DIAPH2: variants seen among roughly 807,000 people sequenced by gnomAD.
DIAPH2 encodes the protein diaphanous related formin 2.
In DIAPH2, 35 loss-of-function variants were observed where a neutral mutation model predicts 92.7. That is an observed-to-expected ratio of 0.38 (90% CI 0.29 to 0.50). The LOEUF (loss-of-function observed/expected upper bound fraction) is 0.50. Ranked by LOEUF, DIAPH2 falls within the 20% of genes least tolerant of loss-of-function variation. DIAPH2 has a pLI of 0.94. For synonymous variants in DIAPH2, 301 were observed against 280.4 expected (o/e 1.07, Z -0.73); for missense variants, 701 against 819.5 (o/e 0.86, Z 1.77).
intron 17 of DIAPH2, among the ~76,000 whole-genome samples, chrX:96,992,013 C>T (rs931155039): frequency 7.2e-5 from 8 of 110,632 alleles, no homozygotes; most frequent in African/African-American, 2.6e-4. Context: ...CCTTCACTGT[C>T]TCTTTCCCCT....
At chrX:97,313,516 TCTCA>T (rs2068814692) in intron 23 of DIAPH2, among the ~76,000 whole-genome samples, 1 of 112,333 alleles carries the variant, frequency 8.9e-6, no homozygotes, top group Non-Finnish European at 1.9e-5. Flanking sequence ...CATGACTTCC[TCTCA>T]CTCTAAATCA....
chrX:96,719,714 A>G (rs1039812734), intron 1 of DIAPH2, among the ~76,000 whole-genome samples: 2 of 111,547 alleles, frequency 1.8e-5, no homozygotes, highest in African/African-American at 6.5e-5. Flanking sequence ...GAAGTCAGGT[A>G]ATCTGATGCT....
At chrX:97,238,911 A>C (rs2147536775) in intron 22 of DIAPH2, among the ~76,000 whole-genome samples, 1 of 111,728 alleles carries the variant, frequency 9.0e-6, no homozygotes, top group South Asian at 3.7e-4. Flanking sequence ...TCAACTAAAT[A>C]TATTCAGTTA....
In DIAPH2 at chrX:97,048,969, C is replaced by T. The variant is rs1001413302; in HGVS notation, c.2051-23972C>T. Among the ~76,000 whole-genome samples the T allele has an allele frequency of 2.8e-5, 3 of 108,984 alleles. No homozygotes were observed. The East Asian group carries it at 8.6e-4, about 31-fold the overall frequency. 94.6% of individuals were successfully genotyped at this position (108,984 alleles called of 115,157 possible). Reference sequence around the variant, plus strand: ...ATTTTAGTTTCATCTTGTAGCTACTCTCGCACAATCTTCTTTTTTAGTGGG... The same window carrying T: ...ATTTTAGTTTCATCTTGTAGCTACTTTCGCACAATCTTCTTTTTTAGTGGG... On this transcript the variant is annotated intron_variant, in intron 17 of 26. Coordinates refer to ENST00000324765, the MANE Select transcript of DIAPH2 (RefSeq NM_006729.5).
chrX:97,570,097 TA>T lies in DIAPH2; in HGVS notation c.3242-29155del, dbSNP rs1569426124. 1.6e-3 allele frequency among the ~76,000 whole-genome samples: 49 copies of T among 30,570 alleles called. 1 individual carries two copies. Among genetic ancestry groups the T allele is most frequent in the Middle Eastern group, 0.039 (2 of 51 alleles). 26.5% of individuals were successfully genotyped at this position (30,570 alleles called of 115,157 possible). ...TCTAATATATATATATATATATATATATATATATATATATATATATATATAT... is the reference window on the plus strand; with the variant it reads ...TCTAATATATATATATATATATATATTATATATATATATATATATATATAT... On this transcript the variant is annotated intron_variant, in intron 26 of 26. Transcript: ENST00000324765.
chrX:96,767,475 T>C (rs1351977434), intron 4 of DIAPH2, among the ~76,000 whole-genome samples: 1 of 111,844 alleles, frequency 8.9e-6, no homozygotes, highest in African/African-American at 3.2e-5. Context: ...ATTTTTGAAG[T>C]ATATTGTTTA....
chrX:97,157,534 A>G (rs1569315619), intron 22 of DIAPH2, among the ~76,000 whole-genome samples: 1 of 110,413 alleles, frequency 9.1e-6, no homozygotes, highest in African/African-American at 3.3e-5. Context: ...ACATCTCCCC[A>G]TATATATAAG....
At chrX:97,440,018 T>C (rs2070237068) in intron 26 of DIAPH2, among the ~76,000 whole-genome samples, 1 of 111,010 alleles carries the variant, frequency 9.0e-6, no homozygotes. Context: ...GTGGGTCAGA[T>C]AATCTCTGGA....
intron 4 of DIAPH2, among the ~76,000 whole-genome samples, chrX:96,836,901 G>T (rs1602552159): frequency 1.0e-5 from 1 of 99,252 alleles, no homozygotes; most frequent in East Asian, 3.1e-4. Flanking sequence ...CTAATTTTTT[G>T]TATTTTTAGT....
At chrX:97,014,082 T>G in intron 17 of DIAPH2, among the ~76,000 whole-genome samples, 1 of 111,888 alleles carries the variant, frequency 8.9e-6, no homozygotes, top group Non-Finnish European at 1.9e-5. Flanking sequence ...GATGTATAAG[T>G]AGTGATGAGT....
intron 22 of DIAPH2, among the ~76,000 whole-genome samples, chrX:97,226,956 G>C (rs1470434471): frequency 9.0e-6 from 1 of 111,287 alleles, no homozygotes; most frequent in East Asian, 2.8e-4. Context: ...ACTGAATGGA[G>C]TATTCTGAGC....
intron 4 of DIAPH2, among the ~76,000 whole-genome samples, chrX:96,782,488 G>A (rs1447463196): frequency 1.8e-5 from 2 of 111,808 alleles, no homozygotes; most frequent in South Asian, 3.7e-4. Context: ...TAGTAGAGAC[G>A]GGGTTTCACC....
At chrX:97,452,697 G>C (rs2070369314) in intron 26 of DIAPH2, among the ~76,000 whole-genome samples, 1 of 111,976 alleles carries the variant, frequency 8.9e-6, no homozygotes, top group African/African-American at 3.2e-5. Context: ...ATTTTGTTTA[G>C]TTCCATTTTC....
intron 5 of DIAPH2, among the ~76,000 whole-genome samples, chrX:96,894,424 T>C (rs1369356338): frequency 8.9e-6 from 1 of 111,846 alleles, no homozygotes; most frequent in African/African-American, 3.2e-5. Flanking sequence ...GTTATAAATT[T>C]CCATATGTGA....
At chrX:96,830,337 C>T (rs962484039) in intron 4 of DIAPH2, among the ~76,000 whole-genome samples, 55 of 109,558 alleles carry the variant, frequency 5.0e-4, no homozygotes, top group African/African-American at 1.7e-3. Flanking sequence ...TTTGGGAGGC[C>T]GAGGCGGGTG....
intron 19 of DIAPH2, among the ~76,000 whole-genome samples, chrX:97,091,559 T>C (rs1299294246): frequency 8.9e-6 from 1 of 111,992 alleles, no homozygotes; most frequent in Non-Finnish European, 1.9e-5. Flanking sequence ...GAAACAAGTC[T>C]TTTTGAAAGA....
At chrX:97,520,829 C>T (rs764965303) in intron 26 of DIAPH2, among the ~76,000 whole-genome samples, 2 of 112,161 alleles carry the variant, frequency 1.8e-5, no homozygotes, top group African/African-American at 6.5e-5. Flanking sequence ...AAATGGAAGA[C>T]GAAGTACAAC....
intron 23 of DIAPH2, among the ~76,000 whole-genome samples, chrX:97,260,217 G>A (rs2068277735): frequency 8.9e-6 from 1 of 112,645 alleles, no homozygotes; most frequent in Admixed American, 9.4e-5. Flanking sequence ...TGTGTGCCAG[G>A]CACTGTGTCA....
chrX:97,219,571 A>G (rs1320700736), intron 22 of DIAPH2, among the ~76,000 whole-genome samples: 1 of 112,169 alleles, frequency 8.9e-6, no homozygotes, highest in African/African-American at 3.2e-5. Context: ...TTTTTTTCAG[A>G]AAATCATATT....
Sources: gnomAD v4.1 joint callset for allele counts (sites outside exome capture counted in the v4.1 genomes callset) on GRCh38, gnomAD v4.1.1 for gene constraint, MANE v1.5 for transcripts, NCBI Gene and HGNC (gene_info 2026-07-23, HGNC 2026-07-21) for gene names.